The following ACOT7 variants were observed in gnomAD, a reference collection of about 807,000 sequenced individuals.
ACOT7 encodes the protein cytosolic acyl coenzyme A thioester hydrolase.
Under a neutral mutation model 40.2 loss-of-function variants are expected in ACOT7, and 12 were observed. The ratio of observed to expected loss-of-function variants is 0.30; its 90% CI spans 0.19 to 0.48. The LOEUF is 0.48. ACOT7 is among the 20% of genes least tolerant of loss of function. The pLI, the probability that ACOT7 is intolerant of heterozygous loss-of-function variation, is 0.99. For missense variants in ACOT7, 395 were observed against 530.8 expected (o/e 0.74, Z 2.51); for synonymous variants, 228 against 219.5 (o/e 1.04, Z -0.34).
chr1:6,331,881 TG>T (rs1294931066), intron 4 of ACOT7, among the ~76,000 whole-genome samples: 1 of 152,012 alleles, frequency 6.6e-6, no homozygotes, highest in African/African-American at 2.4e-5. Flanking sequence ...GACACGGAGC[TG>T]GGGACAGAAG....
At chr1:6,363,165 G>A (rs1159984153) in intron 1 of ACOT7, among the ~76,000 whole-genome samples, 1 of 152,172 alleles carries the variant, frequency 6.6e-6, no homozygotes, top group Non-Finnish European at 1.5e-5. Context: ...GGAGCTGAGG[G>A]GACATGGTGA....
rs1230109971 is a variant in ACOT7 at position 6,349,782 on chromosome 1, G to A, written c.228C>T (p.Ile76=). 1.2e-6 allele frequency: 2 copies of A among 1,613,964 alleles called. No homozygotes were observed. The highest frequency in any genetic ancestry group is 3.3e-5 in the Admixed American group (2 of 59,992). The change falls in exon 2 of 9, where the codon ATC becomes ATT. Residue 76 remains isoleucine, a synonymous_variant. Coordinates refer to ENST00000361521, the MANE Select transcript of ACOT7 (RefSeq NM_007274.4). ...ILKMIEEAGA[I]ISTRHCNSQN... is the part of the protein sequence containing the mutation. ...GGCTGTTGCAATGCCGGGTGCTGAT[G>A]ATGGCGCCTGCCTCCTCGATCATCT...
intron 1 of ACOT7, among the ~76,000 whole-genome samples, chr1:6,363,739 G>A (rs1024585321): frequency 1.3e-5 from 2 of 152,064 alleles, no homozygotes; most frequent in Non-Finnish European, 2.9e-5. Context: ...CTTTTGCCTT[G>A]TATCCAATAA....
At chr1:6,375,583 C>T (rs992040118) in intron 1 of ACOT7, among the ~76,000 whole-genome samples, 5 of 151,866 alleles carry the variant, frequency 3.3e-5, no homozygotes, top group Non-Finnish European at 5.9e-5. Flanking sequence ...CCAGAAGGAT[C>T]GCTTGAACCC....
At chr1:6,281,653 G>A (rs1295111231) in intron 7 of ACOT7, among the ~76,000 whole-genome samples, 3 of 152,178 alleles carry the variant, frequency 2.0e-5, no homozygotes, top group Non-Finnish European at 4.4e-5. Context: ...TGTGGGTGTC[G>A]GCTGGCTCTG....
intron 5 of ACOT7, among the ~76,000 whole-genome samples, chr1:6,325,957 AC>A (rs1640787608): frequency 6.6e-6 from 1 of 152,198 alleles, no homozygotes; most frequent in Non-Finnish European, 1.5e-5. Context: ...GAAAGGGATT[AC>A]TTGAGGCAGG....
At position 6,359,320 on chromosome 1, in the gene ACOT7, T is replaced by TC. The variant is rs1417983060; in HGVS notation, c.144-9455dup. ...AGGAAGGTCACAGGCCAGCAAGGAC[T>TC]CCAGCAGGTCCAAGCCTGCATCCTG... On this transcript the variant is annotated intron_variant, in intron 1 of 8. Coordinates refer to ENST00000361521, the MANE Select transcript of ACOT7 (RefSeq NM_007274.4). This position sits in a 1 kb window ranked among gnomAD's most constrained non-coding sequence, Gnocchi z 4.1. 6.3e-6 allele frequency: 1 copy of TC among 157,966 alleles called. No homozygotes were observed. Among genetic ancestry groups the TC allele is most frequent in the East Asian group, 1.9e-4 (1 of 5,308 alleles). The allele number at this position is 157,966 out of a possible 1,614,324, so 9.8% of individuals were successfully genotyped here. A position where few individuals can be genotyped will look rare whatever the true frequency, so the allele number is the denominator to read the frequency against.
At chr1:6,277,509 C>A (rs1055225963) in intron 8 of ACOT7, among the ~76,000 whole-genome samples, 5 of 152,252 alleles carry the variant, frequency 3.3e-5, no homozygotes, top group African/African-American at 1.2e-4. Context: ...GCCCCATAGA[C>A]TCCCACCAGC....
chr1:6,305,445 G>A (rs372057533), intron 6 of ACOT7, among the ~76,000 whole-genome samples: 1,844 of 151,510 alleles, frequency 0.012, 18 homozygotes, highest in Middle Eastern at 0.02. Context: ...GGTGGCTGCC[G>A]GGTGGAGACG....
At chr1:6,383,995 C>T (rs561415120) in intron 1 of ACOT7, among the ~76,000 whole-genome samples, 173 of 151,986 alleles carry the variant, frequency 1.1e-3, no homozygotes, top group African/African-American at 4.0e-3. Flanking sequence ...TGAGCCACCA[C>T]GCCCAGCCAA....
rs569849023 is a variant in ACOT7 at position 6,306,848 on chromosome 1, C to T, written c.712+11644G>A. 1 of 1,289,080 alleles carries T rather than the reference C, an allele frequency of 7.8e-7. No homozygotes were observed. Among genetic ancestry groups the T allele is most frequent in the African/African-American group, 1.5e-5 (1 of 65,954 alleles). 79.9% of individuals were successfully genotyped at this position (1,289,080 alleles called of 1,614,324 possible). ...CGGAATTGGAAAAGAGTAACTGTGC[C>T]CTCTTTTGCATTTTTCAGTGAAAGT... On this transcript the variant is annotated intron_variant, in intron 6 of 8. Coordinates refer to ENST00000361521, the MANE Select transcript of ACOT7 (RefSeq NM_007274.4). This position sits in a 1 kb window ranked among gnomAD's most constrained non-coding sequence, Gnocchi z 4.3.
intron 8 of ACOT7, among the ~76,000 whole-genome samples, chr1:6,271,919 T>A (rs1230937494): frequency 1.3e-5 from 2 of 152,372 alleles, no homozygotes; most frequent in Admixed American, 1.3e-4. Flanking sequence ...AGAAAAGGCA[T>A]TGGGACTTGG....
At chr1:6,362,473 T>A (rs1641912741) in intron 1 of ACOT7, among the ~76,000 whole-genome samples, 1 of 148,684 alleles carries the variant, frequency 6.7e-6, no homozygotes, top group African/African-American at 2.5e-5. Flanking sequence ...TGGCAGCACC[T>A]CTTCCCCCAT....
In ACOT7 at chr1:6,269,186, G is replaced by A. The variant is rs1238976293; in HGVS notation, c.1015-4491C>T. On this transcript the variant is annotated intron_variant, in intron 8 of 8. Coordinates refer to ENST00000361521, the MANE Select transcript of ACOT7 (RefSeq NM_007274.4). The stretch of plus-strand genomic sequence containing the variant: ...CAAAGTGACACAGCGGGTAAGGGGA[G>A]AGCCTCCATTTAAACCTGGGCATGG... 2.0e-5 allele frequency among the ~76,000 whole-genome samples: 3 copies of A among 152,220 alleles called. No individual in the cohort carries two copies. In the East Asian group the frequency reaches 5.8e-4, roughly 29 times the overall value.
Position 6,382,637 on chromosome 1 carries a change from G to A in ACOT7, c.143+10620C>T, listed in dbSNP as rs550413199. Among the ~76,000 whole-genome samples the A allele has an allele frequency of 7.9e-5, 12 of 151,576 alleles. 1 individual carries two copies. The South Asian group carries it at 1.3e-3, about 16-fold the overall frequency. On this transcript the variant is annotated intron_variant, in intron 1 of 8. Transcript: ENST00000361521. ...TTGGGACCAGCCTGGCCAACATGGC[G>A]AAATCCTGTCTCTACAAAAACTACA...
In ACOT7 at chr1:6,326,397, G is replaced by A. The variant is rs117229100; in HGVS notation, c.625+902C>T. ...AGGCAAAACATCTCATCGTGCCTTC[G>A]TTTAGATTTTGAGTGAACATTTTGT... On this transcript the variant is annotated intron_variant, in intron 5 of 8. Coordinates refer to ENST00000361521, the MANE Select transcript of ACOT7 (RefSeq NM_007274.4). 1.2e-4 allele frequency among the ~76,000 whole-genome samples: 19 copies of A among 152,284 alleles called. 1 individual carries two copies. The highest frequency in any genetic ancestry group is 1.0e-3 in the Admixed American group (16 of 15,288).
At chr1:6,378,346 C>T (rs971233200) in intron 1 of ACOT7, among the ~76,000 whole-genome samples, 19 of 151,846 alleles carry the variant, frequency 1.3e-4, no homozygotes, top group Admixed American at 9.8e-4. Context: ...CCCAGTGATA[C>T]ATTTTACAGC....
intron 1 of ACOT7, among the ~76,000 whole-genome samples, chr1:6,373,865 T>TA (rs1278776993): frequency 0.19 from 25,184 of 134,948 alleles, 2,709 homozygotes; most frequent in African/African-American, 0.32. Context: ...AACTCCATCT[T>TA]AAAAAAAAAA....
intron 1 of ACOT7, among the ~76,000 whole-genome samples, chr1:6,368,244 G>T (rs1642057309): frequency 6.6e-6 from 1 of 152,174 alleles, no homozygotes; most frequent in Non-Finnish European, 1.5e-5. Flanking sequence ...ACTGTTCATG[G>T]CATCCAGGCT....
Sources: gnomAD v4.1 joint callset for allele counts (sites outside exome capture counted in the v4.1 genomes callset) on GRCh38, gnomAD v4.1.1 for gene constraint, Gnocchi (gnomAD v3.1) non-coding constraint, MANE v1.5 for transcripts, NCBI Gene and HGNC (gene_info 2026-07-23, HGNC 2026-07-21) for gene names.